DOCK2: variants seen among roughly 807,000 people sequenced by gnomAD.
DOCK2 encodes dedicator of cytokinesis protein 2.
A neutral mutation model predicts 248.9 loss-of-function variants in DOCK2; 87 were observed. The ratio of observed to expected loss-of-function variants is 0.35; its 90% CI spans 0.29 to 0.42. The LOEUF is 0.42. Among genes scored for constraint, DOCK2 ranks in the 10% least tolerant of loss-of-function variants. DOCK2 has a pLI of 1.00. For missense variants in DOCK2, 1,747 were observed against 2,300.2 expected, an observed-to-expected ratio of 0.76 and a Z score of 4.92; for synonymous variants, 805 against 821.6, an observed-to-expected ratio of 0.98 and a Z score of 0.35.
At chr5:170,047,307 A>T (rs1756748797) in intron 39 of DOCK2, among the ~76,000 whole-genome samples, 1 of 152,238 alleles carries the variant, frequency 6.6e-6, no homozygotes, top group Non-Finnish European at 1.5e-5. Context: ...ACACTAGTGC[A>T]GGTAGAGTGA....
intron 26 of DOCK2, among the ~76,000 whole-genome samples, chr5:169,826,360 GAGA>G (rs1162124612): frequency 6.6e-6 from 1 of 152,096 alleles, no homozygotes; most frequent in Non-Finnish European, 1.5e-5. Context: ...TAATCAAAGG[GAGA>G]AGGACATCTC....
chr5:169,772,130 A>C (rs2113773128), intron 25 of DOCK2, among the ~76,000 whole-genome samples: 1 of 152,228 alleles, frequency 6.6e-6, no homozygotes, highest in Admixed American at 6.5e-5. Flanking sequence ...TGTAGACTGG[A>C]TTCAGTCTCT....
rs971982700 is a variant in DOCK2, at chr5:169,735,940, A to AG, written c.2268-11450dup. On this transcript the variant is annotated intron_variant, in intron 22 of 51. Coordinates refer to ENST00000520908, the MANE Select transcript of DOCK2 (RefSeq NM_004946.3). ...CAAGCATGCCTTAGCATGGCAGAGC[A>AG]GGGGGGAGAGGGAGAGAGAGAGAGA... 7.3e-5 allele frequency among the ~76,000 whole-genome samples: 11 copies of AG among 149,798 alleles called. No homozygotes were observed. The East Asian group carries it at 8.0e-4, about 11-fold the overall frequency.
chr5:169,827,637 G>A (rs1188449563), intron 26 of DOCK2, among the ~76,000 whole-genome samples: 2 of 152,102 alleles, frequency 1.3e-5, no homozygotes, highest in Non-Finnish European at 2.9e-5. Flanking sequence ...CTACCATCCA[G>A]AAAAGCCACC....
chr5:169,882,893 G>A (rs1345912970), intron 27 of DOCK2: 1 of 1,551,740 alleles, frequency 6.4e-7, no homozygotes, highest in Non-Finnish European at 8.7e-7. Flanking sequence ...AGATTCTGGT[G>A]ATTGTTACTT....
chr5:169,911,077 C>T (rs1774569347), intron 27 of DOCK2, among the ~76,000 whole-genome samples: 1 of 152,176 alleles, frequency 6.6e-6, no homozygotes, highest in Admixed American at 6.5e-5. Context: ...GTTGTTCTGG[C>T]CACTAAATCT....
At chr5:169,688,294 G>C (rs890948121) in intron 8 of DOCK2, among the ~76,000 whole-genome samples, 2 of 152,124 alleles carry the variant, frequency 1.3e-5, no homozygotes, top group Non-Finnish European at 2.9e-5. Flanking sequence ...CGTTGACTTT[G>C]CCTGAAGCAT....
chr5:170,026,088 G>A (rs114183953), intron 33 of DOCK2, among the ~76,000 whole-genome samples: 1,694 of 152,036 alleles, frequency 0.011, 25 homozygotes, highest in African/African-American at 0.039. Context: ...CATTTGTGCT[G>A]TATCAGCACA....
intron 25 of DOCK2, among the ~76,000 whole-genome samples, chr5:169,785,429 A>G (rs1399393118): frequency 1.3e-5 from 2 of 152,188 alleles, no homozygotes; most frequent in East Asian, 1.9e-4. Flanking sequence ...TTTTCCCACT[A>G]TTAACACATT....
At chr5:169,899,580 G>A (rs2113572680) in intron 27 of DOCK2, among the ~76,000 whole-genome samples, 1 of 152,312 alleles carries the variant, frequency 6.6e-6, no homozygotes, top group South Asian at 2.1e-4. Context: ...AGCTGCTTGG[G>A]CACTCAGGTT....
At chr5:169,859,354 GT>G (rs945017345) in intron 27 of DOCK2, among the ~76,000 whole-genome samples, 3 of 152,146 alleles carry the variant, frequency 2.0e-5, no homozygotes, top group African/African-American at 7.2e-5. Flanking sequence ...GGAAGTTGAG[GT>G]GAAAGTACTC....
At chr5:170,076,699 C>G (rs1264074319) in intron 47 of DOCK2, among the ~76,000 whole-genome samples, 3 of 152,208 alleles carry the variant, frequency 2.0e-5, no homozygotes, top group Admixed American at 1.3e-4. Flanking sequence ...TCTGGTCCAG[C>G]CTTCCCATTT....
intron 27 of DOCK2, among the ~76,000 whole-genome samples, chr5:169,892,134 A>T (rs1303582020): frequency 6.6e-6 from 1 of 152,174 alleles, no homozygotes; most frequent in Non-Finnish European, 1.5e-5. Context: ...TCCAAATCCA[A>T]GCTTAAGCAC....
intron 27 of DOCK2, among the ~76,000 whole-genome samples, chr5:169,921,116 G>A (rs552692303): frequency 1.3e-5 from 2 of 152,280 alleles, no homozygotes; most frequent in Middle Eastern, 3.4e-3. Context: ...GGAAAAGCAC[G>A]TAGGGTGATG....
intron 27 of DOCK2, among the ~76,000 whole-genome samples, chr5:169,916,791 T>A (rs1189189336): frequency 4.6e-5 from 7 of 152,190 alleles, no homozygotes; most frequent in African/African-American, 7.2e-5. Flanking sequence ...ATATACAAGG[T>A]AATATTATTA....
At chr5:169,691,054 G>C (rs1760267620) in intron 9 of DOCK2, among the ~76,000 whole-genome samples, 1 of 152,200 alleles carries the variant, frequency 6.6e-6, no homozygotes, top group African/African-American at 2.4e-5. Context: ...CGAGAAGGGT[G>C]ATGTTGGCAT....
At chr5:169,895,500 GA>G (rs1312921752) in intron 27 of DOCK2, among the ~76,000 whole-genome samples, 1 of 152,030 alleles carries the variant, frequency 6.6e-6, no homozygotes, top group Non-Finnish European at 1.5e-5. Flanking sequence ...TGCCCCTAGA[GA>G]AAAGCAGCCA....
intron 1 of DOCK2, among the ~76,000 whole-genome samples, chr5:169,650,480 T>G (rs1757743125): frequency 6.6e-6 from 1 of 152,238 alleles, no homozygotes; most frequent in Non-Finnish European, 1.5e-5. Context: ...TTTAGTTGTT[T>G]TTGTGAGCCA....
chr5:169,770,157 C>CTATTCATT (rs2113767301), intron 25 of DOCK2, among the ~76,000 whole-genome samples: 1 of 152,238 alleles, frequency 6.6e-6, no homozygotes, highest in African/African-American at 2.4e-5. Flanking sequence ...TTTAAATGTT[C>CTATTCATT]TATTCATTAT....
Sources: allele counts gnomAD v4.1 joint callset (sites outside exome capture counted in the v4.1 genomes callset), GRCh38; gene constraint gnomAD v4.1.1; transcripts MANE v1.5; gene names NCBI Gene and HGNC (gene_info 2026-07-23, HGNC 2026-07-21).